POU1F1: variants seen among roughly 807,000 people sequenced by gnomAD.
POU1F1 encodes the protein pituitary-specific positive transcription factor 1.
POU1F1 carries 23 observed loss-of-function variants against 32.3 expected under a neutral mutation model. The ratio of observed to expected loss-of-function variants is 0.71; its 90% CI spans 0.51 to 1.01. The LOEUF (loss-of-function observed/expected upper bound fraction) is 1.01, where lower values mean the gene tolerates loss of function less well. Among genes scored for constraint, POU1F1 ranks in the 50% least tolerant of loss-of-function variants. POU1F1 has a pLI of 0.00. For missense variants in POU1F1, 323 were observed against 341.6 expected (o/e 0.95, Z 0.43); for synonymous variants, 120 against 115.6 (o/e 1.04, Z -0.25).
intron 2 of POU1F1, among the ~76,000 whole-genome samples, chr3:87,268,735 GCA>G (rs1559617217): frequency 6.6e-6 from 1 of 152,074 alleles, no homozygotes; most frequent in East Asian, 1.9e-4. Context: ...GGCCTGGACA[GCA>G]CACACACACA....
rs562753184 is a variant in POU1F1 at position 87,271,680 on chromosome 3, TATA to T, written c.214+1664_214+1666del. Among the ~76,000 whole-genome samples the T allele has an allele frequency of 1.4e-4, 22 of 152,310 alleles. No individual in the cohort carries two copies. In the South Asian group the frequency reaches 4.6e-3, roughly 32 times the overall value. On this transcript the variant is annotated intron_variant, in intron 2 of 5. Transcript: ENST00000350375. ...GCTAAACGCATTTATTTTACTATTT[TATA>T]ATGACAGTAGTTCATCATTGAGGAG...
intron 1 of POU1F1, among the ~76,000 whole-genome samples, chr3:87,273,804 G>A (rs1472887715): frequency 6.6e-6 from 1 of 152,148 alleles, no homozygotes; most frequent in Non-Finnish European, 1.5e-5. Context: ...GTTCAATGCA[G>A]ACATTGCAAC....
At chr3:87,275,454 C>G (rs1426348183) in intron 1 of POU1F1, among the ~76,000 whole-genome samples, 1 of 151,904 alleles carries the variant, frequency 6.6e-6, no homozygotes, top group Admixed American at 6.6e-5. Flanking sequence ...TAATTTCATT[C>G]CTAAATATGA....
At chr3:87,270,665 T>C (rs1204740507) in intron 2 of POU1F1, among the ~76,000 whole-genome samples, 1 of 152,192 alleles carries the variant, frequency 6.6e-6, no homozygotes, top group African/African-American at 2.4e-5. Context: ...AAGACACTTC[T>C]GTGGATTGTG....
chr3:87,266,705 C>T (rs1321913890), intron 2 of POU1F1, among the ~76,000 whole-genome samples: 1 of 151,742 alleles, frequency 6.6e-6, no homozygotes, highest in Non-Finnish European at 1.5e-5. Flanking sequence ...TATAGCTTTT[C>T]TTGAAAATAT....
intron 1 of POU1F1, among the ~76,000 whole-genome samples, chr3:87,273,922 T>C (rs1706776683): frequency 6.6e-6 from 1 of 152,232 alleles, no homozygotes; most frequent in South Asian, 2.1e-4. Flanking sequence ...TATTTTTGCT[T>C]ATTTGTCTAA....
chr3:87,264,086 T>C (rs981182044), intron 3 of POU1F1, among the ~76,000 whole-genome samples: 13 of 152,106 alleles, frequency 8.5e-5, no homozygotes, highest in Admixed American at 5.9e-4. Context: ...GTATTATTAA[T>C]TTAAAAATTA....
intron 5 of POU1F1, among the ~76,000 whole-genome samples, chr3:87,260,871 TTTTTA>T (rs1247779752): frequency 3.1e-3 from 15 of 4,864 alleles, no homozygotes; most frequent in African/African-American, 0.011. Context: ...TATTATTTTT[TTTTTA>T]TTTATTTATT....
intron 2 of POU1F1, among the ~76,000 whole-genome samples, chr3:87,270,515 C>G (rs1379334198): frequency 6.6e-6 from 1 of 152,078 alleles, no homozygotes; most frequent in Admixed American, 6.6e-5. Flanking sequence ...ATGAAATGCT[C>G]AAACTAAATG....
intron 1 of POU1F1, 136 bp downstream of exon 1, chr3:87,276,185 C>T (rs952827283): frequency 7.1e-6 from 8 of 1,120,838 alleles, no homozygotes; most frequent in Non-Finnish European, 1.1e-5. Flanking sequence ...ATGCTTAATG[C>T]TTACTTCACT....
intron 2 of POU1F1, among the ~76,000 whole-genome samples, chr3:87,267,093 GT>G (rs1706633939): frequency 6.6e-6 from 1 of 151,998 alleles, no homozygotes; most frequent in Non-Finnish European, 1.5e-5. Flanking sequence ...AAATTTGTGT[GT>G]TTTTTACTTA....
intron 2 of POU1F1, among the ~76,000 whole-genome samples, chr3:87,265,713 T>A (rs1296586349): frequency 6.6e-6 from 1 of 151,974 alleles, no homozygotes; most frequent in Non-Finnish European, 1.5e-5. Context: ...GTATAACAAT[T>A]ATTTACATAG....
intron 1 of POU1F1, 197 bp from the exon 2 acceptor site, chr3:87,273,615 C>CTTACCCAA: frequency 9.8e-7 from 1 of 1,022,018 alleles, no homozygotes; most frequent in Non-Finnish European, 1.4e-6. Context: ...AGTTCTCTGA[C>CTTACCCAA]GAGTAGGTTA....
chr3:87,276,521 A>T lies in POU1F1; in HGVS notation c.-59T>A. On this transcript the variant is annotated 5_prime_UTR_variant, in exon 1 of 6. Coordinates refer to ENST00000350375, the MANE Select transcript of POU1F1 (RefSeq NM_000306.4). ...CTGCTCCCCAAATCAGAGTTTTATTATATTACTGTCTCAAAGGGCCGATTC... is the reference window on the plus strand; with the variant it reads ...CTGCTCCCCAAATCAGAGTTTTATTTTATTACTGTCTCAAAGGGCCGATTC... 6.3e-7 allele frequency: 1 copy of T among 1,578,774 alleles called. No individual in the cohort carries two copies. Among genetic ancestry groups the T allele is most frequent in the African/African-American group, 1.3e-5 (1 of 74,196 alleles).
chr3:87,273,565 C>CTT (rs1211110879), intron 1 of POU1F1, 147 bp from the exon 2 acceptor site: 1 of 1,405,424 alleles, frequency 7.1e-7, no homozygotes, highest in Non-Finnish European at 9.6e-7. Flanking sequence ...TTATGTGGTT[C>CTT]TTAAAGTTAC....
chr3:87,269,311 T>G (rs1442698049), intron 2 of POU1F1, among the ~76,000 whole-genome samples: 1 of 152,100 alleles, frequency 6.6e-6, no homozygotes, highest in African/African-American at 2.4e-5. Context: ...CAATGACAGG[T>G]TGAATAGTTG....
rs368456883 is a variant in POU1F1 at position 87,262,255 on chromosome 3, A to C, written c.440-20T>G. On this transcript the variant is annotated intron_variant, in intron 3 of 5. Coordinates refer to ENST00000350375, the MANE Select transcript of POU1F1 (RefSeq NM_000306.4). ...TGTATCCTGTGAAGGGACAATAAAGACCATCAGCTCCAACTTTCCAGGAAA... is the reference window on the plus strand; with the variant it reads ...TGTATCCTGTGAAGGGACAATAAAGCCCATCAGCTCCAACTTTCCAGGAAA... The C allele has an allele frequency of 1.1e-5, 18 of 1,613,552 alleles. No individual in the cohort carries two copies. The highest frequency in any genetic ancestry group is 9.3e-6 in the Non-Finnish European group (11 of 1,179,784).
At chr3:87,265,925 A>G (rs1706612049) in intron 2 of POU1F1, among the ~76,000 whole-genome samples, 1 of 151,624 alleles carries the variant, frequency 6.6e-6, no homozygotes. Context: ...AAAAATATTG[A>G]GTAATTAATC....
chr3:87,269,240 A>T (rs1482765230), intron 2 of POU1F1, among the ~76,000 whole-genome samples: 1 of 152,146 alleles, frequency 6.6e-6, no homozygotes, highest in Admixed American at 6.6e-5. Context: ...TGTGTTTGTA[A>T]ATTAAGTTTA....
Sources: allele counts gnomAD v4.1 joint callset (sites outside exome capture counted in the v4.1 genomes callset), GRCh38; gene constraint gnomAD v4.1.1; transcripts MANE v1.5; gene names NCBI Gene and HGNC (gene_info 2026-07-23, HGNC 2026-07-21).